Variants in THRB observed in about 807,000 individuals in gnomAD.
THRB encodes the protein nuclear receptor subfamily 1 group A member 2.
Under a neutral mutation model 47.8 loss-of-function variants are expected in THRB, and 12 were observed. The observed-to-expected ratio is 0.25, with a 90% CI of 0.16 to 0.41. The LOEUF is 0.41. Among genes scored for constraint, THRB ranks in the 10% least tolerant of loss-of-function variants. THRB has a pLI of 1.00. For synonymous variants in THRB, 218 were observed against 212.2 expected, an observed-to-expected ratio of 1.03 and a Z score of -0.24; for missense variants, 348 against 589.2, an observed-to-expected ratio of 0.59 and a Z score of 4.24.
rs1077635 is a variant in THRB at position 24,264,107 on chromosome 3, A to T, written c.-43+33119T>A. ...CCTGTCACACTCAGGGTAAAAACCAAGTTCCCCATTCCCCCTGATTGCATC... is the reference window on the plus strand; with the variant it reads ...CCTGTCACACTCAGGGTAAAAACCATGTTCCCCATTCCCCCTGATTGCATC... On this transcript the variant is annotated intron_variant, in intron 3 of 10. Coordinates refer to ENST00000646209, the MANE Select transcript of THRB (RefSeq NM_001354712.2). Among the ~76,000 whole-genome samples, 994 of 152,278 alleles carry T rather than the reference A, an allele frequency of 6.5e-3. 13 individuals are homozygous for T. Among genetic ancestry groups the T allele is most frequent in the African/African-American group, 0.023 (946 of 41,568 alleles).
chr3:24,462,297 A>G (rs2073778204), intron 1 of THRB, among the ~76,000 whole-genome samples: 1 of 152,244 alleles, frequency 6.6e-6, no homozygotes. Context: ...TTTGGGCCAG[A>G]TATTATTCCT....
intron 5 of THRB, among the ~76,000 whole-genome samples, chr3:24,162,627 C>T (rs1321098836): frequency 2.7e-5 from 4 of 147,880 alleles, no homozygotes; most frequent in Non-Finnish European, 5.9e-5. Flanking sequence ...CTGACTCTTC[C>T]TTAGTTCGTG....
intron 1 of THRB, chr3:24,459,377 G>T (rs9865744): frequency 2.0e-5 from 3 of 152,068 alleles, no homozygotes; most frequent in African/African-American, 7.3e-5. Context: ...TGGACATTTC[G>T]GTTGGTTCCA....
intron 5 of THRB, among the ~76,000 whole-genome samples, chr3:24,171,780 T>C (rs1287767083): frequency 1.3e-5 from 2 of 152,124 alleles, no homozygotes; most frequent in South Asian, 2.1e-4. Flanking sequence ...CACTAGATCA[T>C]GCAAAACTCT....
intron 3 of THRB, among the ~76,000 whole-genome samples, chr3:24,281,259 C>T (rs1235697271): frequency 6.6e-6 from 1 of 152,010 alleles, no homozygotes; most frequent in African/African-American, 2.4e-5. Flanking sequence ...CTCTACAAGC[C>T]AGAAGAGAGT....
At chr3:24,402,062 A>G (rs1275575221) in intron 1 of THRB, among the ~76,000 whole-genome samples, 4 of 152,004 alleles carry the variant, frequency 2.6e-5, no homozygotes, top group Non-Finnish European at 5.9e-5. Flanking sequence ...TAAGCCAAGG[A>G]GAAGAAAGTA....
At chr3:24,210,106 T>C (rs753859074) in intron 4 of THRB, among the ~76,000 whole-genome samples, 1 of 152,206 alleles carries the variant, frequency 6.6e-6, no homozygotes, top group Non-Finnish European at 1.5e-5. Context: ...TAGGACAATG[T>C]GGCAAGTTCA....
At chr3:24,183,368 C>CTTTTTTTTTTTTTTTTTTTTTTTTTTT (rs1193344905) in intron 5 of THRB, among the ~76,000 whole-genome samples, 2 of 84,272 alleles carry the variant, frequency 2.4e-5, no homozygotes, top group African/African-American at 8.3e-5. Context: ...TTTTTCTTTT[C>CTTTTTTTTTTTTTTTTTTTTTTTTTTT]TTTTTTTTTT....
intron 3 of THRB, among the ~76,000 whole-genome samples, chr3:24,278,847 T>C (rs1234180154): frequency 6.6e-6 from 1 of 152,122 alleles, no homozygotes; most frequent in Non-Finnish European, 1.5e-5. Context: ...CATTTATTTA[T>C]TTATTATTTA....
intron 1 of THRB, among the ~76,000 whole-genome samples, chr3:24,408,304 A>C (rs2067993486): frequency 6.6e-6 from 1 of 151,900 alleles, no homozygotes; most frequent in Non-Finnish European, 1.5e-5. Context: ...TTTTCACTCA[A>C]TTATTCAGAC....
At chr3:24,439,416 A>G (rs1208418793) in intron 1 of THRB, among the ~76,000 whole-genome samples, 1 of 152,176 alleles carries the variant, frequency 6.6e-6, no homozygotes, top group Non-Finnish European at 1.5e-5. Flanking sequence ...TCTCACGAGA[A>G]CTATGGCATG....
chr3:24,175,101 C>T (rs1397867944), intron 5 of THRB, among the ~76,000 whole-genome samples: 1 of 152,194 alleles, frequency 6.6e-6, no homozygotes, highest in Non-Finnish European at 1.5e-5. Flanking sequence ...TTTATACACT[C>T]AGAAAATTAC....
intron 4 of THRB, among the ~76,000 whole-genome samples, chr3:24,211,932 G>T (rs2046070043): frequency 6.6e-6 from 1 of 151,924 alleles, no homozygotes. Context: ...AGGCTAAAAA[G>T]GACCTTATTA....
At chr3:24,424,537 G>A (rs1015210440) in intron 1 of THRB, among the ~76,000 whole-genome samples, 1 of 151,804 alleles carries the variant, frequency 6.6e-6, no homozygotes, top group Non-Finnish European at 1.5e-5. Flanking sequence ...GTAGGGGGTG[G>A]GGCCCAGCCT....
intron 1 of THRB, among the ~76,000 whole-genome samples, chr3:24,343,234 G>C (rs545423582): frequency 5.9e-5 from 9 of 152,238 alleles, no homozygotes; most frequent in African/African-American, 2.2e-4. Context: ...AATTTCCTGA[G>C]AGATGGTGCA....
At chr3:24,287,866 G>C (rs1389014637) in intron 3 of THRB, among the ~76,000 whole-genome samples, 1 of 152,086 alleles carries the variant, frequency 6.6e-6, no homozygotes, top group Non-Finnish European at 1.5e-5. Context: ...ACTTTAAAAG[G>C]AAACACCAGT....
intron 3 of THRB, among the ~76,000 whole-genome samples, chr3:24,250,762 T>C (rs1576309305): frequency 6.6e-6 from 1 of 152,182 alleles, no homozygotes; most frequent in Admixed American, 6.5e-5. Flanking sequence ...GAAAAATACA[T>C]GGAAACACAA....
At chr3:24,271,904 A>G (rs2053372309) in intron 3 of THRB, among the ~76,000 whole-genome samples, 1 of 152,214 alleles carries the variant, frequency 6.6e-6, no homozygotes, top group African/African-American at 2.4e-5. Flanking sequence ...TGATGTAGAG[A>G]AAAGGATACA....
At chr3:24,373,913 C>G (rs2065091075) in intron 1 of THRB, among the ~76,000 whole-genome samples, 1 of 152,096 alleles carries the variant, frequency 6.6e-6, no homozygotes, top group African/African-American at 2.4e-5. Flanking sequence ...CCAATCCAGC[C>G]ATTCTGTACC....
Sources: gnomAD v4.1 joint callset for allele counts (sites outside exome capture counted in the v4.1 genomes callset) on GRCh38, gnomAD v4.1.1 for gene constraint, MANE v1.5 for transcripts, NCBI Gene and HGNC (gene_info 2026-07-23, HGNC 2026-07-21) for gene names.